The following MMD variants were observed in gnomAD, a reference collection of about 807,000 sequenced individuals.
The protein encoded by MMD is monocyte to macrophage differentiation associated.
Under a neutral mutation model 33.6 loss-of-function variants are expected in MMD, and 22 were observed. The ratio of observed to expected loss-of-function variants is 0.66; its 90% CI spans 0.47 to 0.94. MMD has a LOEUF of 0.94. MMD is among the 40% of genes least tolerant of loss of function. The pLI is 0.00. For synonymous variants in MMD, 97 were observed against 103.2 expected (o/e 0.94, Z 0.36); for missense variants, 242 against 309.8 (o/e 0.78, Z 1.64).
chr17:55,403,389 G>A (rs943661479), intron 5 of MMD, among the ~76,000 whole-genome samples: 2 of 152,012 alleles, frequency 1.3e-5, no homozygotes, highest in South Asian at 2.1e-4. Context: ...ATATTGTACT[G>A]AGCACTTAAT....
chr17:55,416,456 C>T (rs1207872053), intron 1 of MMD, among the ~76,000 whole-genome samples: 1 of 152,180 alleles, frequency 6.6e-6, no homozygotes, highest in Non-Finnish European at 1.5e-5. Context: ...TATCCTGATG[C>T]ACAGGGTAAG....
intron 6 of MMD, among the ~76,000 whole-genome samples, chr17:55,400,526 C>T (rs1037129054): frequency 7.1e-6 from 1 of 140,320 alleles, no homozygotes; most frequent in East Asian, 2.0e-4. Flanking sequence ...TCCAGCTGGG[C>T]AACAGAGCAA....
intron 4 of MMD, among the ~76,000 whole-genome samples, chr17:55,407,158 G>A (rs59796250): frequency 0.024 from 3,612 of 151,876 alleles, 155 homozygotes; most frequent in African/African-American, 0.082. Context: ...GTGAAACCCC[G>A]TCTCTACTAA....
intron 6 of MMD, 82 bp from the exon 7 acceptor site, chr17:55,394,616 G>A (rs760020430): frequency 5.3e-6 from 6 of 1,125,752 alleles, no homozygotes; most frequent in Non-Finnish European, 7.0e-6. Flanking sequence ...TCTCTCTAAG[G>A]CTCTTGATTT....
Position 55,414,216 on chromosome 17 carries a change from C to T in MMD, c.43G>A (p.Ala15Thr). The change falls in exon 2 of 7, where the codon GCT (alanine) becomes ACT (threonine). Residue 15 changes from alanine to threonine, a missense_variant. Ala to Thr is a moderately conservative substitution (Grantham distance 58, BLOSUM62 0). Transcript: ENST00000262065. ...NRFQRFMNHRAPANGRYKPTC... is the reference protein window; with the variant it reads ...NRFQRFMNHRTPANGRYKPTC... ...GGCTTGTAGCGGCCATTGGCTGGAG[C>T]TCGATGGTTCATGAACCTGTAAAAA... is the stretch of plus-strand genomic sequence containing the variant. 6.2e-7 allele frequency: 1 copy of T among 1,613,784 alleles called. No individual in the cohort carries two copies. The highest frequency in any genetic ancestry group is 1.1e-5 in the South Asian group (1 of 91,070).
chr17:55,420,353 AT>A (rs1908131903), intron 1 of MMD: 1 of 152,210 alleles, frequency 6.6e-6, no homozygotes, highest in Non-Finnish European at 1.5e-5. Flanking sequence ...CTACGGTTCC[AT>A]TTTGCCCTTA....
intron 4 of MMD, among the ~76,000 whole-genome samples, chr17:55,406,948 T>C (rs1907572419): frequency 6.6e-6 from 1 of 152,060 alleles, no homozygotes; most frequent in African/African-American, 2.4e-5. Flanking sequence ...TGAGAATCAC[T>C]TGAACCCAGG....
At chr17:55,398,598 A>G (rs889257741) in intron 6 of MMD, among the ~76,000 whole-genome samples, 2 of 152,036 alleles carry the variant, frequency 1.3e-5, no homozygotes, top group Non-Finnish European at 2.9e-5. Flanking sequence ...CTTATGGTAC[A>G]TGCTAAGTTG....
intron 6 of MMD, among the ~76,000 whole-genome samples, chr17:55,398,111 CAAAAAAAAAA>C (rs57881926): frequency 2.3e-5 from 3 of 132,162 alleles, no homozygotes; most frequent in African/African-American, 8.4e-5. Context: ...ATTATTTCTT[CAAAAAAAAAA>C]AAAAAAAAGA....
intron 1 of MMD, among the ~76,000 whole-genome samples, chr17:55,415,824 C>A (rs1907948773): frequency 6.6e-6 from 1 of 152,120 alleles, no homozygotes; most frequent in South Asian, 2.1e-4. Flanking sequence ...GGTTTGAAAA[C>A]CAACTGTTAA....
At chr17:55,402,290 A>G (rs570708630) in intron 5 of MMD, among the ~76,000 whole-genome samples, 1 of 152,280 alleles carries the variant, frequency 6.6e-6, no homozygotes, top group East Asian at 1.9e-4. Flanking sequence ...ATCAGCAAAA[A>G]GGAACAGCAA....
At chr17:55,409,058 TA>T (rs1045845966) in intron 3 of MMD, among the ~76,000 whole-genome samples, 1 of 151,868 alleles carries the variant, frequency 6.6e-6, no homozygotes, top group Non-Finnish European at 1.5e-5. Flanking sequence ...CCACAAAAAT[TA>T]AAAATAAAAA....
At chr17:55,394,826 T>C (rs1351239538) in intron 6 of MMD, among the ~76,000 whole-genome samples, 3 of 152,266 alleles carry the variant, frequency 2.0e-5, no homozygotes, top group Non-Finnish European at 4.4e-5. Flanking sequence ...ACTGCAATCA[T>C]AGCCAGACAT....
At chr17:55,396,449 T>A (rs1907102450) in intron 6 of MMD, among the ~76,000 whole-genome samples, 1 of 152,204 alleles carries the variant, frequency 6.6e-6, no homozygotes, top group Admixed American at 6.5e-5. Flanking sequence ...GCCTCCCGTC[T>A]TGCTCTCTGT....
In MMD at chr17:55,420,074, T is replaced by C. The variant is rs1165671267; in HGVS notation, c.26+1596A>G. The stretch of plus-strand genomic sequence containing the variant: ...GTTTTAACGTTTGTGCAACAAATAA[T>C]TGAACAGGGTTTGTTTGTTTTTTTT... On this transcript the variant is annotated intron_variant, in intron 1 of 6. Transcript: ENST00000262065. 3.9e-5 allele frequency: 6 copies of C among 152,358 alleles called. 1 individual carries two copies. Among genetic ancestry groups the C allele is most frequent in the African/African-American group, 1.2e-4 (5 of 41,584 alleles). 9.4% of individuals were successfully genotyped at this position (152,358 alleles called of 1,614,324 possible).
At chr17:55,414,349 C>T in intron 1 of MMD, 117 bp from the exon 2 acceptor site, 1 of 929,704 alleles carries the variant, frequency 1.1e-6, no homozygotes, top group Admixed American at 2.0e-5. Flanking sequence ...GTGGAAATAC[C>T]CAGTTGCGGT....
At chr17:55,405,686 T>C (rs1181570523) in intron 4 of MMD, among the ~76,000 whole-genome samples, 1 of 109,640 alleles carries the variant, frequency 9.1e-6, no homozygotes, top group Non-Finnish European at 2.2e-5. Context: ...AGCCTTTCAG[T>C]GTTCTTCTTC....
rs766985363 is a variant in MMD, at chr17:55,421,743, C to T, written c.-48G>A. 34 of 1,562,026 alleles carry T rather than the reference C, an allele frequency of 2.2e-5. No homozygotes were observed. The highest frequency in any genetic ancestry group is 2.8e-5 in the Non-Finnish European group (33 of 1,158,164). On this transcript the variant is annotated 5_prime_UTR_variant, in exon 1 of 7. In the 5' UTR this introduces an upstream ATG that the reference lacks. Coordinates refer to ENST00000262065, the MANE Select transcript of MMD (RefSeq NM_012329.3). Reference sequence around the variant, plus strand: ...GGCCAGGAGCTCCGTCTCGTCAGCACCGGCGGCCGGGCGCGCGGCCCTCAT... The same window carrying T: ...GGCCAGGAGCTCCGTCTCGTCAGCATCGGCGGCCGGGCGCGCGGCCCTCAT...
chr17:55,401,366 A>C (rs1907321088), intron 6 of MMD, 103 bp downstream of exon 6: 1 of 998,318 alleles, frequency 1.0e-6, no homozygotes, highest in Non-Finnish European at 1.5e-6. Context: ...CCTCTATTTA[A>C]TGGACATAAC....
Sources: allele counts gnomAD v4.1 joint callset (sites outside exome capture counted in the v4.1 genomes callset), GRCh38; gene constraint gnomAD v4.1.1; transcripts MANE v1.5; gene names NCBI Gene and HGNC (gene_info 2026-07-23, HGNC 2026-07-21).